FUT8: variants seen among roughly 807,000 people sequenced by gnomAD.
FUT8 encodes alpha-(1,6)-fucosyltransferase.
FUT8 carries 29 observed loss-of-function variants against 71.3 expected under a neutral mutation model. The ratio of observed to expected loss-of-function variants is 0.41; its 90% CI spans 0.30 to 0.55. The LOEUF (loss-of-function observed/expected upper bound fraction) is 0.55. Ranked by LOEUF, FUT8 falls within the 20% of genes least tolerant of loss-of-function variation. The pLI, the probability that FUT8 is intolerant of heterozygous loss-of-function variation, is 0.34. For synonymous variants in FUT8, 254 were observed against 239.3 expected (o/e 1.06, Z -0.57); for missense variants, 544 against 702.1 (o/e 0.77, Z 2.55).
chr14:65,635,416 A>C (rs1890494571), intron 6 of FUT8, among the ~76,000 whole-genome samples: 1 of 152,088 alleles, frequency 6.6e-6, no homozygotes, highest in South Asian at 2.1e-4. Context: ...GTCTTATTCT[A>C]ATTCTCACAG....
rs149027076 is a variant in FUT8, at chr14:65,697,627, T to C, written c.836-24148T>C. ...TGTTTTATTATAATGATAGTAATCA[T>C]CACAAACAGCTATAAAAAGGAATAT... On this transcript the variant is annotated intron_variant, in intron 7 of 10. Transcript: ENST00000673929. 5.1e-3 allele frequency among the ~76,000 whole-genome samples: 781 copies of C among 152,282 alleles called. 7 individuals carry two copies. Among genetic ancestry groups the C allele is most frequent in the African/African-American group, 0.018 (741 of 41,550 alleles).
chr14:65,642,160 C>T (rs1006536637), intron 6 of FUT8, among the ~76,000 whole-genome samples: 2 of 152,220 alleles, frequency 1.3e-5, no homozygotes, highest in Middle Eastern at 3.4e-3. Context: ...ATAATTTTAG[C>T]TCTTACATTT....
At chr14:65,506,009 A>G (rs1006034928) in intron 2 of FUT8, among the ~76,000 whole-genome samples, 4 of 152,214 alleles carry the variant, frequency 2.6e-5, no homozygotes, top group Non-Finnish European at 5.9e-5. Flanking sequence ...TTCACTGTGT[A>G]AAGGGTTCAG....
At chr14:65,674,759 T>C (rs1892630925) in intron 7 of FUT8, among the ~76,000 whole-genome samples, 1 of 152,208 alleles carries the variant, frequency 6.6e-6, no homozygotes, top group African/African-American at 2.4e-5. Flanking sequence ...ATGATAGTTA[T>C]TCTGTGTAAT....
Position 65,733,114 on chromosome 14 carries a change from A to C in FUT8, c.1260-117A>C, listed in dbSNP as rs78455194. ...ATATGTCTCATCAACTACAGTATTA[A>C]ATGCCATAATTAAAGGTCTCCTTTC... On this transcript the variant is annotated intron_variant, in intron 9 of 10. Transcript: ENST00000673929. 0.012 allele frequency: 7,264 copies of C among 613,172 alleles called. 388 individuals are homozygous for C. The African/African-American group carries it at 0.12, about 10-fold the overall frequency. 38.0% of individuals were successfully genotyped at this position (613,172 alleles called of 1,614,324 possible).
chr14:65,687,704 C>T lies in FUT8; in HGVS notation c.835+18224C>T, dbSNP rs551131802. 3.3e-5 allele frequency among the ~76,000 whole-genome samples: 5 copies of T among 152,090 alleles called. No homozygotes were observed. In the South Asian group the frequency reaches 1.0e-3, roughly 32 times the overall value. On this transcript the variant is annotated intron_variant, in intron 7 of 10. Transcript: ENST00000673929. ...TTCCCCTATATACCCCCCACTCCCC[C>T]TACCCCCTGCACCAAGTGCCAGCCA...
intron 1 of FUT8, among the ~76,000 whole-genome samples, chr14:65,439,938 A>ATGTGTGTGTG (rs543440132): frequency 0.019 from 1,412 of 74,062 alleles, 84 homozygotes; most frequent in African/African-American, 0.06. Flanking sequence ...GATAAAGAAA[A>ATGTGTGTGTG]TGTGTGTGTG....
intron 2 of FUT8, among the ~76,000 whole-genome samples, chr14:65,470,812 C>T (rs567147045): frequency 5.9e-5 from 9 of 152,084 alleles, no homozygotes; most frequent in Admixed American, 4.6e-4. Flanking sequence ...CTGCCTCAGG[C>T]CCCTGAAGCT....
rs965224568 is a variant in FUT8, at chr14:65,537,297, T to G, written c.-227-24040T>G. On this transcript the variant is annotated intron_variant, in intron 2 of 10. Coordinates refer to ENST00000673929, the MANE Select transcript of FUT8 (RefSeq NM_001371533.1). ...TTAAGAACCCTTGCTGGAGAACTAGTGTAGTCATTGGGAGGAAAGAAGACA... is the reference window on the plus strand; with the variant it reads ...TTAAGAACCCTTGCTGGAGAACTAGGGTAGTCATTGGGAGGAAAGAAGACA... Among the ~76,000 whole-genome samples, 4 of 151,914 alleles carry G rather than the reference T, an allele frequency of 2.6e-5. No individual in the cohort carries two copies. The East Asian group carries it at 5.8e-4, about 22-fold the overall frequency.
chr14:65,429,022 A>G (rs1008662999), intron 1 of FUT8, among the ~76,000 whole-genome samples: 3 of 152,214 alleles, frequency 2.0e-5, no homozygotes, highest in Non-Finnish European at 4.4e-5. Context: ...AAAACAATAC[A>G]TGTATGGGGG....
chr14:65,547,876 T>C (rs1885063743), intron 2 of FUT8, among the ~76,000 whole-genome samples: 1 of 151,938 alleles, frequency 6.6e-6, no homozygotes, highest in Admixed American at 6.6e-5. Context: ...TGAAATACTC[T>C]AAACTACAGA....
chr14:65,624,902 T>C (rs1217292016), intron 5 of FUT8, among the ~76,000 whole-genome samples: 3 of 152,112 alleles, frequency 2.0e-5, no homozygotes. Flanking sequence ...CTGTCAATAC[T>C]ATAAACAGAA....
chr14:65,635,053 G>A (rs920576078), intron 6 of FUT8, among the ~76,000 whole-genome samples: 1 of 151,932 alleles, frequency 6.6e-6, no homozygotes, highest in Non-Finnish European at 1.5e-5. Flanking sequence ...TTGCCTCCTC[G>A]GTTAGGTATA....
At chr14:65,671,084 A>T (rs1892453361) in intron 7 of FUT8, among the ~76,000 whole-genome samples, 1 of 152,152 alleles carries the variant, frequency 6.6e-6, no homozygotes, top group South Asian at 2.1e-4. Context: ...TACCAGCCCC[A>T]CTATGGCTAA....
chr14:65,681,946 C>T (rs1426634932), intron 7 of FUT8, among the ~76,000 whole-genome samples: 1 of 152,144 alleles, frequency 6.6e-6, no homozygotes, highest in Non-Finnish European at 1.5e-5. Flanking sequence ...ATAACACCCA[C>T]AGCCTGGTTT....
At chr14:65,595,978 A>G (rs1887959191) in intron 3 of FUT8, among the ~76,000 whole-genome samples, 1 of 152,270 alleles carries the variant, frequency 6.6e-6, no homozygotes, top group South Asian at 2.1e-4. Flanking sequence ...TACTATGACT[A>G]CCTTTGTTTT....
chr14:65,510,339 G>C (rs184215577), intron 2 of FUT8, among the ~76,000 whole-genome samples: 157 of 152,086 alleles, frequency 1.0e-3, no homozygotes, highest in Admixed American at 1.8e-3. Context: ...GTAGTATTTC[G>C]TTATGGATTT....
intron 7 of FUT8, among the ~76,000 whole-genome samples, chr14:65,700,049 A>G (rs1411116960): frequency 2.6e-5 from 4 of 152,194 alleles, no homozygotes; most frequent in Non-Finnish European, 5.9e-5. Flanking sequence ...TTGTTGGTAC[A>G]CTAAGAAAAT....
intron 2 of FUT8, among the ~76,000 whole-genome samples, chr14:65,554,455 A>G (rs1383862523): frequency 1.4e-5 from 2 of 146,770 alleles, no homozygotes; most frequent in African/African-American, 2.5e-5. Context: ...ATTTATATCT[A>G]TAGATCTATA....
Sources: allele counts gnomAD v4.1 joint callset (sites outside exome capture counted in the v4.1 genomes callset), GRCh38; gene constraint gnomAD v4.1.1; transcripts MANE v1.5; gene names NCBI Gene and HGNC (gene_info 2026-07-23, HGNC 2026-07-21).